The following INPP5D variants were observed in gnomAD, a reference collection of about 807,000 sequenced individuals.
INPP5D encodes the protein phosphatidylinositol 3,4,5-trisphosphate 5-phosphatase 1.
Under a neutral mutation model 122.9 loss-of-function variants are expected in INPP5D, and 33 were observed. The observed-to-expected ratio is 0.27, with a 90% CI of 0.20 to 0.36. The LOEUF is 0.36. INPP5D is among the 10% of genes least tolerant of loss of function. The pLI is 1.00. For missense variants in INPP5D, 1,053 were observed against 1,412.7 expected, an observed-to-expected ratio of 0.75 and a Z score of 4.08; for synonymous variants, 584 against 576.2, an observed-to-expected ratio of 1.01 and a Z score of -0.19.
chr2:233,145,591 T>G (rs140053128), intron 6 of INPP5D, among the ~76,000 whole-genome samples: 31,656 of 151,454 alleles, frequency 0.21, 3,472 homozygotes, highest in East Asian at 0.36. Context: ...TGATGAGGAG[T>G]TGCCCCTCCC....
chr2:233,136,588 C>G (rs1412252868), intron 5 of INPP5D, among the ~76,000 whole-genome samples: 1 of 152,060 alleles, frequency 6.6e-6, no homozygotes, highest in Non-Finnish European at 1.5e-5. Context: ...GTTTCCAGGA[C>G]CCAGCAAAGT....
intron 2 of INPP5D, among the ~76,000 whole-genome samples, chr2:233,109,743 T>C (rs1692564921): frequency 6.8e-6 from 1 of 146,776 alleles, no homozygotes; most frequent in Non-Finnish European, 1.5e-5. Context: ...CACGCCCAGC[T>C]ATTTTTTTTT....
chr2:233,181,570 G>T (rs537333916), intron 18 of INPP5D, among the ~76,000 whole-genome samples: 35 of 152,180 alleles, frequency 2.3e-4, no homozygotes, highest in Non-Finnish European at 4.3e-4. Context: ...TATCTTGAAA[G>T]AACTGTCTTT....
chr2:233,197,978 G>A lies in INPP5D; in HGVS notation c.2694-117G>A, dbSNP rs1695227143. On this transcript the variant is annotated intron_variant, in intron 24 of 26. Transcript: ENST00000445964. This position sits in a 1 kb window ranked among gnomAD's most constrained non-coding sequence, Gnocchi z 4.4. ...AATGGATCACTGCCCAAGAGGTGAA[G>A]GAGTTGAGGAGAGCTCGAGAGAGCC... 1 of 1,369,110 alleles carries A rather than the reference G, an allele frequency of 7.3e-7. No individual in the cohort carries two copies. The highest frequency in any genetic ancestry group is 1.5e-5 in the African/African-American group (1 of 68,546). 84.8% of individuals were successfully genotyped at this position (1,369,110 alleles called of 1,614,324 possible).
At chr2:233,141,629 G>A (rs1203143695) in intron 6 of INPP5D, 1 of 152,150 alleles carries the variant, frequency 6.6e-6, no homozygotes, top group Non-Finnish European at 1.5e-5. Context: ...ATGGAGAGCT[G>A]GTGAACTGCA....
Position 233,189,238 on chromosome 2 carries a change from G to A in INPP5D, c.2359-612G>A, listed in dbSNP as rs960042930. 3.9e-5 allele frequency among the ~76,000 whole-genome samples: 6 copies of A among 152,226 alleles called. No homozygotes were observed. The highest frequency in any genetic ancestry group is 8.8e-5 in the Non-Finnish European group (6 of 68,040). On this transcript the variant is annotated intron_variant, in intron 21 of 26. Transcript: ENST00000445964. The surrounding 1 kb of genome is among the most constrained non-coding windows in gnomAD (Gnocchi z 5.6). Reference sequence around the variant, plus strand: ...CTGGAAACTTGCTCGCAGATGGAATGTGGGAGCCTGTGTCTGTCATTCGCT... The same window carrying A: ...CTGGAAACTTGCTCGCAGATGGAATATGGGAGCCTGTGTCTGTCATTCGCT...
intron 3 of INPP5D, among the ~76,000 whole-genome samples, chr2:233,123,088 G>A (rs1693039890): frequency 6.6e-6 from 1 of 152,120 alleles, no homozygotes; most frequent in African/African-American, 2.4e-5. Context: ...CTGGAAGGAT[G>A]AGGAAGGTGT....
chr2:233,186,455 T>C (rs1694917119), intron 21 of INPP5D, among the ~76,000 whole-genome samples: 2 of 151,990 alleles, frequency 1.3e-5, no homozygotes, highest in Admixed American at 1.3e-4. Context: ...GAGGGTGGAA[T>C]TGGAAACACT....
rs1337253428 is a variant in INPP5D, at chr2:233,170,576, G to A, written c.1872G>A (p.Arg624=). 6.2e-6 allele frequency: 10 copies of A among 1,613,624 alleles called. No homozygotes were observed. The highest frequency in any genetic ancestry group is 1.3e-5 in the African/African-American group (1 of 75,020). ...LLSHDQLLTE[R]REQKVFLHFE... is the part of the protein sequence containing the mutation. ...CCCACGACCAGCTGCTCACAGAGAGGAGGGAGCAGAAGGTCTTCCTACACT... is the reference window on the plus strand; with the variant it reads ...CCCACGACCAGCTGCTCACAGAGAGAAGGGAGCAGAAGGTCTTCCTACACT... The change falls in exon 16 of 27, where the codon AGG becomes AGA. Residue 624 remains arginine, a synonymous_variant. Transcript: ENST00000445964. The surrounding 1 kb of genome is among the most constrained non-coding windows in gnomAD (Gnocchi z 4.5).
At chr2:233,074,277 A>AG (rs994319544) in intron 1 of INPP5D, among the ~76,000 whole-genome samples, 60 of 152,236 alleles carry the variant, frequency 3.9e-4, no homozygotes, top group African/African-American at 1.4e-3. Flanking sequence ...AAGGGTTGAG[A>AG]GGGGGCGCCT....
chr2:233,201,494 A>T (rs1695341240), intron 25 of INPP5D, among the ~76,000 whole-genome samples: 1 of 152,194 alleles, frequency 6.6e-6, no homozygotes, highest in Admixed American at 6.5e-5. Flanking sequence ...TGGAGCCTGG[A>T]GCCCTGCAGC....
At position 233,177,323 on chromosome 2, in the gene INPP5D, T is replaced by G; in HGVS notation, c.2048T>G (p.Val683Gly). Residue 683 changes from valine (V) to glycine (G), a missense_variant, in exon 18 of 27, where the codon GTG (valine) becomes GGG (glycine). By Grantham distance (109) the Val-to-Gly change is moderately radical. Transcript: ENST00000445964. The surrounding 1 kb of genome is among the most constrained non-coding windows in gnomAD (Gnocchi z 4.2). The stretch of plus-strand genomic sequence containing the variant: ...GTCCTCTGGAAGTCTTATCCCCTGG[T>G]GCACGTGGTGTGTCAGTCTTATGGT... ...DRVLWKSYPL[V>G]HVVCQSYGST... is the part of the protein sequence containing the mutation. 1 of 1,613,922 alleles carries G rather than the reference T, an allele frequency of 6.2e-7. No homozygotes were observed. Among genetic ancestry groups the G allele is most frequent in the South Asian group, 1.1e-5 (1 of 91,084 alleles).
chr2:233,132,696 G>T (rs920841808), intron 5 of INPP5D, among the ~76,000 whole-genome samples: 1 of 152,094 alleles, frequency 6.6e-6, no homozygotes, highest in African/African-American at 2.4e-5. Flanking sequence ...AAACTGCTTT[G>T]ATTAGAATAG....
rs371177295 is a variant in INPP5D at position 233,107,740 on chromosome 2, C to T, written c.199-14367C>T. Among the ~76,000 whole-genome samples the T allele has an allele frequency of 2.0e-4, 30 of 152,156 alleles. No homozygotes were observed. The East Asian group carries it at 4.8e-3, about 25-fold the overall frequency. The stretch of plus-strand genomic sequence containing the variant: ...GGAGGGGTTACAACCTGGTGCTTGC[C>T]GGGGAGCTGGGAAGAACCGGGTGTC... On this transcript the variant is annotated intron_variant, in intron 2 of 26. Transcript: ENST00000445964.
intron 25 of INPP5D, among the ~76,000 whole-genome samples, chr2:233,199,907 G>A (rs923631419): frequency 1.3e-5 from 2 of 152,228 alleles, no homozygotes; most frequent in Non-Finnish European, 2.9e-5. Flanking sequence ...CTGTGGAACA[G>A]GGTGGGAGTT....
chr2:233,130,670 C>A (rs756393029), intron 5 of INPP5D, 22 bp downstream of exon 5: 2 of 1,613,080 alleles, frequency 1.2e-6, no homozygotes, highest in African/African-American at 2.7e-5. Context: ...CCCACGGGGG[C>A]GGGCAGGTGG....
At chr2:233,116,248 G>GATATAGATATAGAT (rs138434323) in intron 2 of INPP5D, among the ~76,000 whole-genome samples, 12 of 135,232 alleles carry the variant, frequency 8.9e-5, no homozygotes, top group African/African-American at 3.1e-4. Flanking sequence ...TAGATAGATA[G>GATATAGATATAGAT]ATAGATATAG....
Position 233,164,167 on chromosome 2 carries a change from C to A in INPP5D, c.1438-140C>A, listed in dbSNP as rs1694265294. 2 of 1,425,484 alleles carry A rather than the reference C, an allele frequency of 1.4e-6. No homozygotes were observed. Among genetic ancestry groups the A allele is most frequent in the Admixed American group, 5.6e-5 (2 of 35,750 alleles). 88.3% of individuals were successfully genotyped at this position (1,425,484 alleles called of 1,614,324 possible). Reference sequence around the variant, plus strand: ...GTTTTGTCTCGCCTATCAAGCATCGCTGGGAGTCCCCCGAAGGGTTGGGAT... The same window carrying A: ...GTTTTGTCTCGCCTATCAAGCATCGATGGGAGTCCCCCGAAGGGTTGGGAT... On this transcript the variant is annotated intron_variant, in intron 12 of 26. Transcript: ENST00000445964. This position sits in a 1 kb window ranked among gnomAD's most constrained non-coding sequence, Gnocchi z 4.3.
At position 233,119,568 on chromosome 2, in the gene INPP5D, C is replaced by G. The variant is rs1166388758; in HGVS notation, c.199-2539C>G. On this transcript the variant is annotated intron_variant, in intron 2 of 26. Transcript: ENST00000445964. The stretch of plus-strand genomic sequence containing the variant: ...ATTTATTGAAAAGAATTTAGAACAC[C>G]CTTTTGCTTAACTCTCTATAAATTT... 2.0e-5 allele frequency among the ~76,000 whole-genome samples: 3 copies of G among 151,234 alleles called. No homozygotes were observed. The East Asian group carries it at 5.8e-4, about 29-fold the overall frequency.
Sources: gnomAD v4.1 joint callset for allele counts (sites outside exome capture counted in the v4.1 genomes callset) on GRCh38, gnomAD v4.1.1 for gene constraint, Gnocchi (gnomAD v3.1) non-coding constraint, MANE v1.5 for transcripts, NCBI Gene and HGNC (gene_info 2026-07-23, HGNC 2026-07-21) for gene names.